The following KDM4C variants were observed in gnomAD, a reference collection of about 807,000 sequenced individuals.
KDM4C encodes the protein lysine demethylase 4C.
A neutral mutation model predicts 129.3 loss-of-function variants in KDM4C; 81 were observed. That is an observed-to-expected ratio of 0.63 (90% CI 0.52 to 0.75). The LOEUF (loss-of-function observed/expected upper bound fraction) is 0.75, where lower values mean the gene tolerates loss of function less well. KDM4C is among the 30% of genes least tolerant of loss of function. KDM4C has a pLI of 0.00. For synonymous variants in KDM4C, 573 were observed against 456.1 expected, an observed-to-expected ratio of 1.26 and a Z score of -3.26; for missense variants, 1,457 against 1,304.0, an observed-to-expected ratio of 1.12 and a Z score of -1.81.
intron 4 of KDM4C, among the ~76,000 whole-genome samples, chr9:6,829,203 G>T (rs1834387474): frequency 6.6e-6 from 1 of 152,200 alleles, no homozygotes; most frequent in Non-Finnish European, 1.5e-5. Flanking sequence ...CAGTAGGAGT[G>T]TAAAGAGGTG....
intron 12 of KDM4C, among the ~76,000 whole-genome samples, chr9:7,003,135 G>A (rs978771711): frequency 6.6e-6 from 1 of 152,172 alleles, no homozygotes; most frequent in African/African-American, 2.4e-5. Context: ...CAAAGTGCCA[G>A]GATTACAGAC....
chr9:6,733,958 G>A lies in KDM4C; in HGVS notation c.49+12961G>A, dbSNP rs557406439. On this transcript the variant is annotated intron_variant, in intron 1 of 17. Coordinates refer to the KDM4C transcript ENST00000536108. Reference sequence around the variant, plus strand: ...CACGCTCACATCTTGGTTTTGGTGGGTTTTAGCCGGCGTCTTTACTGCAGC... The same window carrying A: ...CACGCTCACATCTTGGTTTTGGTGGATTTTAGCCGGCGTCTTTACTGCAGC... Among the ~76,000 whole-genome samples the A allele has an allele frequency of 1.2e-4, 19 of 152,274 alleles. No homozygotes were observed. In the South Asian group the frequency reaches 3.5e-3, roughly 28 times the overall value.
At chr9:7,140,060 C>A (rs910183415) in intron 19 of KDM4C, among the ~76,000 whole-genome samples, 1 of 152,208 alleles carries the variant, frequency 6.6e-6, no homozygotes, top group African/African-American at 2.4e-5. Context: ...GCATTGCATT[C>A]CTTCTCGTCA....
At chr9:7,086,515 C>T (rs1422465680) in intron 17 of KDM4C, among the ~76,000 whole-genome samples, 1 of 152,128 alleles carries the variant, frequency 6.6e-6, no homozygotes, top group East Asian at 1.9e-4. Context: ...CTAAGAGAGA[C>T]GCCCACCCTC....
intron 15 of KDM4C, among the ~76,000 whole-genome samples, chr9:7,029,908 C>T (rs1826443902): frequency 6.6e-6 from 1 of 152,232 alleles, no homozygotes; most frequent in South Asian, 2.1e-4. Context: ...TTGTTTATTG[C>T]CAGTTTGAAA....
chr9:6,748,892 C>A (rs1817975842), intron 1 of KDM4C: 5 of 968,288 alleles, frequency 5.2e-6, no homozygotes, highest in Non-Finnish European at 8.5e-6. Flanking sequence ...ACACCTGAAT[C>A]TGCGATCTAT....
At chr9:7,163,990 A>G (rs1844088158) in intron 19 of KDM4C, among the ~76,000 whole-genome samples, 1 of 152,210 alleles carries the variant, frequency 6.6e-6, no homozygotes, top group African/African-American at 2.4e-5. Context: ...ACTCCTTTAT[A>G]AGGCACAATT....
At chr9:7,098,038 A>G (rs1337711281) in intron 17 of KDM4C, among the ~76,000 whole-genome samples, 3 of 152,264 alleles carry the variant, frequency 2.0e-5, no homozygotes, top group African/African-American at 7.2e-5. Flanking sequence ...TTGATCCAAA[A>G]TAAAACAAAG....
chr9:6,908,172 C>T (rs187239835), intron 8 of KDM4C, among the ~76,000 whole-genome samples: 1 of 152,134 alleles, frequency 6.6e-6, no homozygotes, highest in African/African-American at 2.4e-5. Context: ...TTTATATTCC[C>T]TTTACATTAG....
At chr9:6,743,234 T>G (rs1463159837) in intron 1 of KDM4C, among the ~76,000 whole-genome samples, 1 of 152,190 alleles carries the variant, frequency 6.6e-6, no homozygotes, top group Non-Finnish European at 1.5e-5. Flanking sequence ...TCGACTGAAA[T>G]GGTTTTGTCA....
chr9:6,747,558 A>AG (rs1196008719), intron 1 of KDM4C, among the ~76,000 whole-genome samples: 2 of 151,978 alleles, frequency 1.3e-5, no homozygotes, highest in Non-Finnish European at 2.9e-5. Context: ...AAAAAAAAAA[A>AG]AGAATATAGA....
rs929706143 is a variant in KDM4C, at chr9:7,045,109, C to T, written c.2260-1753C>T. On this transcript the variant is annotated intron_variant, in intron 15 of 21. Transcript: ENST00000381309. ...AAATCCATTTAAAATCTTGAGCCTACACATTGTATTTTAGAAGACTTTTTC... is the reference window on the plus strand; with the variant it reads ...AAATCCATTTAAAATCTTGAGCCTATACATTGTATTTTAGAAGACTTTTTC... Among the ~76,000 whole-genome samples the T allele has an allele frequency of 5.3e-5, 8 of 152,102 alleles. No homozygotes were observed. The South Asian group carries it at 1.2e-3, about 24-fold the overall frequency.
intron 8 of KDM4C, among the ~76,000 whole-genome samples, chr9:6,909,762 C>A (rs1453848939): frequency 6.6e-6 from 1 of 151,924 alleles, no homozygotes; most frequent in Non-Finnish European, 1.5e-5. Flanking sequence ...TGAGGAAAAA[C>A]AAATTTGGAT....
intron 15 of KDM4C, among the ~76,000 whole-genome samples, chr9:7,044,792 G>A (rs1199621822): frequency 1.3e-5 from 2 of 151,974 alleles, no homozygotes; most frequent in Non-Finnish European, 2.9e-5. Flanking sequence ...TGCTCAGCAG[G>A]CATGTGTGGA....
chr9:6,770,602 C>A (rs1163719418), intron 1 of KDM4C, among the ~76,000 whole-genome samples: 3 of 149,210 alleles, frequency 2.0e-5, no homozygotes, highest in African/African-American at 7.4e-5. Flanking sequence ...AGGTAGTTAA[C>A]AAAAAATGTG....
intron 4 of KDM4C, among the ~76,000 whole-genome samples, chr9:6,836,326 C>G (rs528748204): frequency 6.6e-6 from 1 of 152,280 alleles, no homozygotes; most frequent in Admixed American, 6.5e-5. Context: ...GCGCCAAGAT[C>G]ATGCCATTGC....
intron 8 of KDM4C, among the ~76,000 whole-genome samples, chr9:6,897,874 C>T (rs935805856): frequency 6.6e-6 from 1 of 152,152 alleles, no homozygotes; most frequent in Non-Finnish European, 1.5e-5. Context: ...AATACTTCAA[C>T]AGCTCGTTTA....
At chr9:6,794,808 G>A (rs1347764077) in intron 2 of KDM4C, among the ~76,000 whole-genome samples, 2 of 152,136 alleles carry the variant, frequency 1.3e-5, no homozygotes, top group Non-Finnish European at 2.9e-5. Context: ...CATAGGGGTG[G>A]TCAGTGAGGT....
chr9:6,800,316 G>A (rs1422644588), intron 2 of KDM4C, among the ~76,000 whole-genome samples: 4 of 152,040 alleles, frequency 2.6e-5, no homozygotes, highest in East Asian at 1.9e-4. Flanking sequence ...GCAGTGAGCC[G>A]AGATTGCTCC....
Sources: gnomAD v4.1 joint callset for allele counts (sites outside exome capture counted in the v4.1 genomes callset) on GRCh38, gnomAD v4.1.1 for gene constraint, MANE v1.5 for transcripts, NCBI Gene and HGNC (gene_info 2026-07-23, HGNC 2026-07-21) for gene names.